The following GPR141 variants were observed in gnomAD, a reference collection of about 807,000 sequenced individuals.
The protein encoded by GPR141 is G protein-coupled receptor 141.
GPR141 carries 6 observed loss-of-function variants against 6.8 expected under a neutral mutation model. The observed-to-expected ratio is 0.88, with a 90% CI of 0.48 to 1.74. The LOEUF (loss-of-function observed/expected upper bound fraction) is 1.74. Among genes scored for constraint, GPR141 ranks in the 40% most tolerant of loss-of-function variants. GPR141 has a pLI of 0.01. For synonymous variants in GPR141, 140 were observed against 142.3 expected (o/e 0.98, Z 0.11); for missense variants, 372 against 372.9 (o/e 1.00, Z 0.02).
intron 2 of GPR141, among the ~76,000 whole-genome samples, chr7:37,722,159 T>C (rs1284599902): frequency 6.6e-6 from 1 of 152,212 alleles, no homozygotes; most frequent in Non-Finnish European, 1.5e-5. Flanking sequence ...ATCTAAAATA[T>C]GTAAAACACT....
chr7:37,704,709 G>A (rs183698270), intron 2 of GPR141, among the ~76,000 whole-genome samples: 2 of 152,258 alleles, frequency 1.3e-5, no homozygotes, highest in Admixed American at 1.3e-4. Flanking sequence ...CTGTTGTGCT[G>A]TGTATATGGG....
intron 2 of GPR141, among the ~76,000 whole-genome samples, chr7:37,702,874 CTAGTATTT>C (rs1270612448): frequency 4.1e-5 from 6 of 147,406 alleles, no homozygotes; most frequent in African/African-American, 1.5e-4. Context: ...ATATTGTTGC[CTAGTATTT>C]TAGTATTTTC....
rs1809380857 is a variant in GPR141, at chr7:37,683,874, A to T, written c.-168A>T. On this transcript the variant is annotated 5_prime_UTR_variant, in exon 1 of 3. Coordinates refer to ENST00000334425, the MANE Select transcript of GPR141 (RefSeq NM_001381946.1). ...AGGCAGACATGTGGCCCATCTCTGT[A>T]GCCATCACTGAGAAATCTGGATTTT... The T allele has an allele frequency of 1.3e-5, 2 of 152,254 alleles. No homozygotes were observed. Among genetic ancestry groups the T allele is most frequent in the Admixed American group, 6.5e-5 (1 of 15,286 alleles). The allele number at this position is 152,254 out of a possible 1,614,324, so 9.4% of individuals were successfully genotyped here.
chr7:37,711,457 G>A (rs1562776371), intron 2 of GPR141, among the ~76,000 whole-genome samples: 1 of 152,212 alleles, frequency 6.6e-6, no homozygotes, highest in African/African-American at 2.4e-5. Context: ...AGGAGCAGGT[G>A]AATTGTGGGT....
At chr7:37,734,061 T>A (rs975367890) in intron 2 of GPR141, among the ~76,000 whole-genome samples, 2 of 152,000 alleles carry the variant, frequency 1.3e-5, no homozygotes, top group Admixed American at 1.3e-4. Flanking sequence ...TAGTCCTAGC[T>A]ACTGGGAAGG....
intron 2 of GPR141, among the ~76,000 whole-genome samples, chr7:37,736,147 G>A (rs1054775188): frequency 6.6e-6 from 1 of 152,098 alleles, no homozygotes; most frequent in Non-Finnish European, 1.5e-5. Context: ...AGTTACTCGG[G>A]AGGCTGAGGC....
intron 2 of GPR141, among the ~76,000 whole-genome samples, chr7:37,733,982 G>C (rs1168201619): frequency 1.3e-5 from 2 of 152,068 alleles, no homozygotes; most frequent in East Asian, 3.9e-4. Flanking sequence ...GACCAGCCTG[G>C]GCAACATGGT....
In GPR141 at chr7:37,706,145, C is replaced by T. The variant is rs116583731; in HGVS notation, c.-15+20562C>T. On this transcript the variant is annotated intron_variant, in intron 2 of 2. Transcript: ENST00000334425. ...GGCCTGCATGGTGTTTACACACACACAAAAATAATGGCTTCTCTTCAGTTC... is the reference window on the plus strand; with the variant it reads ...GGCCTGCATGGTGTTTACACACACATAAAAATAATGGCTTCTCTTCAGTTC... 3.6e-3 allele frequency among the ~76,000 whole-genome samples: 545 copies of T among 152,300 alleles called. 8 individuals are homozygous for T. The highest frequency in any genetic ancestry group is 0.013 in the African/African-American group (528 of 41,570).
intron 2 of GPR141, among the ~76,000 whole-genome samples, chr7:37,688,172 C>T (rs1247391941): frequency 6.6e-6 from 1 of 152,096 alleles, no homozygotes; most frequent in Non-Finnish European, 1.5e-5. Flanking sequence ...CGCGGTGACT[C>T]ACGCCTGTGA....
chr7:37,730,157 C>T (rs562272771), intron 2 of GPR141: 4 of 151,034 alleles, frequency 2.6e-5, no homozygotes, highest in Admixed American at 1.3e-4. Flanking sequence ...TTCTTTGTTT[C>T]CCCCCTTCTT....
Position 37,740,887 on chromosome 7 carries a change from A to G in GPR141, c.494A>G (p.His165Arg). 2 of 1,614,140 alleles carry G rather than the reference A, an allele frequency of 1.2e-6. No individual in the cohort carries two copies. The highest frequency in any genetic ancestry group is 1.7e-6 in the Non-Finnish European group (2 of 1,179,980). ...ATCCATGAGGAATACAATGAGGAGC[A>G]CTGTTTTAAATTTCACAAAGAGCTT... ...YGIHEEYNEEHCFKFHKELAY... is the reference protein window; with the variant it reads ...YGIHEEYNEERCFKFHKELAY... Residue 165 changes from histidine (H) to arginine (R), a missense_variant, in exon 3 of 3, where the codon CAC becomes CGC. Transcript: ENST00000334425.
At position 37,742,402 on chromosome 7, in the gene GPR141, C is replaced by CA. The variant is rs1288354926; in HGVS notation, c.*1092dup. The stretch of plus-strand genomic sequence containing the variant: ...TAATGCTCTCCCTCCCCTAGCCCCC[C>CA]ACCCCTGGACAGGCCCCATTGTGTG... On this transcript the variant is annotated 3_prime_UTR_variant, in exon 3 of 3. Coordinates refer to ENST00000334425, the MANE Select transcript of GPR141 (RefSeq NM_001381946.1). Among the ~76,000 whole-genome samples, 2 of 151,994 alleles carry CA rather than the reference C, an allele frequency of 1.3e-5. No homozygotes were observed. The highest frequency in any genetic ancestry group is 2.9e-5 in the Non-Finnish European group (2 of 67,996).
At chr7:37,691,241 G>T (rs1809745454) in intron 2 of GPR141, among the ~76,000 whole-genome samples, 1 of 122,440 alleles carries the variant, frequency 8.2e-6, no homozygotes, top group Non-Finnish European at 1.6e-5. Flanking sequence ...GCATATAGTT[G>T]GGTCCTTTTT....
chr7:37,737,962 A>G (rs1462800054), intron 2 of GPR141, among the ~76,000 whole-genome samples: 1 of 152,232 alleles, frequency 6.6e-6, no homozygotes, highest in Admixed American at 6.5e-5. Context: ...GCATACAGCC[A>G]TGTGAGTAGA....
At chr7:37,700,719 T>C (rs902139641) in intron 2 of GPR141, among the ~76,000 whole-genome samples, 11 of 152,202 alleles carry the variant, frequency 7.2e-5, no homozygotes, top group Admixed American at 6.5e-4. Context: ...AGTCATACAA[T>C]TTATACATTC....
At chr7:37,711,645 A>T (rs866895682) in intron 2 of GPR141, among the ~76,000 whole-genome samples, 4 of 152,210 alleles carry the variant, frequency 2.6e-5, no homozygotes, top group Admixed American at 2.0e-4. Flanking sequence ...ACTGATCTCA[A>T]TGTAAGCCTG....
At chr7:37,687,079 TC>T (rs1048413569) in intron 2 of GPR141, among the ~76,000 whole-genome samples, 5 of 152,062 alleles carry the variant, frequency 3.3e-5, no homozygotes, top group Admixed American at 1.3e-4. Context: ...ACCACTCTGC[TC>T]CCTGATAAAG....
intron 2 of GPR141, among the ~76,000 whole-genome samples, chr7:37,717,750 T>A (rs1811116800): frequency 6.6e-6 from 1 of 152,242 alleles, no homozygotes; most frequent in South Asian, 2.1e-4. Context: ...AACATGCATC[T>A]GTCTCCTTCA....
At chr7:37,689,701 T>C (rs1020276822) in intron 2 of GPR141, among the ~76,000 whole-genome samples, 6 of 152,016 alleles carry the variant, frequency 3.9e-5, no homozygotes, top group African/African-American at 1.5e-4. Flanking sequence ...CATGGTAGTC[T>C]TCAGTGATCC....
Sources: gnomAD v4.1 joint callset for allele counts (sites outside exome capture counted in the v4.1 genomes callset) on GRCh38, gnomAD v4.1.1 for gene constraint, MANE v1.5 for transcripts, NCBI Gene and HGNC (gene_info 2026-07-23, HGNC 2026-07-21) for gene names.